Variants in PRELID2 observed in about 807,000 individuals in gnomAD.
The protein encoded by PRELID2 is PRELI domain-containing protein 2.
A neutral mutation model predicts 28.4 loss-of-function variants in PRELID2; 25 were observed. The ratio of observed to expected loss-of-function variants is 0.88; its 90% CI spans 0.64 to 1.23. The LOEUF (loss-of-function observed/expected upper bound fraction) is 1.23, where lower values mean the gene tolerates loss of function less well. Among genes scored for constraint, PRELID2 ranks in the 50% most tolerant of loss-of-function variants. The pLI is 0.00. For missense variants in PRELID2, 201 were observed against 214.4 expected, an observed-to-expected ratio of 0.94 and a Z score of 0.39; for synonymous variants, 76 against 71.6, an observed-to-expected ratio of 1.06 and a Z score of -0.31.
intron 1 of PRELID2, among the ~76,000 whole-genome samples, chr5:145,584,508 T>C (rs561384526): frequency 6.6e-5 from 10 of 151,982 alleles, no homozygotes; most frequent in Admixed American, 5.9e-4. Flanking sequence ...ACCTACAGCA[T>C]AGGAGAAAAT....
downstream of PRELID2, among the ~76,000 whole-genome samples, chr5:145,469,424 T>C (rs1752032145): frequency 6.6e-6 from 1 of 152,092 alleles, no homozygotes; most frequent in Non-Finnish European, 1.5e-5. Flanking sequence ...GATCTTCTGA[T>C]TGAGGCATGT....
At chr5:145,790,907 A>ATATT (rs1172415673) in intron 5 of PRELID2, among the ~76,000 whole-genome samples, 1 of 149,090 alleles carries the variant, frequency 6.7e-6, no homozygotes, top group Non-Finnish European at 1.5e-5. Context: ...ATATATATAT[A>ATATT]TATACCAAAA....
chr5:145,787,488 A>T (rs1372130038), intron 5 of PRELID2, among the ~76,000 whole-genome samples: 2 of 152,122 alleles, frequency 1.3e-5, no homozygotes, highest in Non-Finnish European at 2.9e-5. Flanking sequence ...CCTAAATAGT[A>T]TGCCCAAAAT....
chr5:145,623,108 G>C (rs570761843), intron 1 of PRELID2, among the ~76,000 whole-genome samples: 10 of 151,976 alleles, frequency 6.6e-5, no homozygotes, highest in African/African-American at 1.9e-4. Context: ...ATAGTTTGGT[G>C]GTCAGGAAGA....
chr5:145,737,605 T>G (rs1756533392), intron 1 of PRELID2, among the ~76,000 whole-genome samples: 1 of 152,060 alleles, frequency 6.6e-6, no homozygotes, highest in African/African-American at 2.4e-5. Context: ...ACAGATAATT[T>G]TTTAAAAAGG....
At chr5:145,637,509 C>T (rs554452303) in intron 1 of PRELID2, among the ~76,000 whole-genome samples, 4 of 148,960 alleles carry the variant, frequency 2.7e-5, no homozygotes, top group African/African-American at 9.9e-5. Context: ...GACTTCTCTG[C>T]CAAAAAAAAA....
At chr5:145,663,178 A>G (rs772133937) in intron 1 of PRELID2, among the ~76,000 whole-genome samples, 10 of 152,108 alleles carry the variant, frequency 6.6e-5, no homozygotes, top group Non-Finnish European at 1.2e-4. Flanking sequence ...CCTTCTAGCT[A>G]GAGAACCAAG....
At chr5:145,297,980 A>G in the PRELID2 span, among the ~76,000 whole-genome samples, 2 of 152,198 alleles carry the variant, frequency 1.3e-5, no homozygotes, top group Non-Finnish European at 2.9e-5. Context: ...GGATACAAAC[A>G]AATGGAAGAA....
At chr5:145,766,589 G>A (rs187994566) in intron 5 of PRELID2, among the ~76,000 whole-genome samples, 34 of 152,322 alleles carry the variant, frequency 2.2e-4, no homozygotes, top group African/African-American at 6.7e-4. Context: ...AAATACTACC[G>A]TTATCTTGGA....
chr5:145,826,297 T>G, intron 1 of PRELID2: 1 of 432,674 alleles, frequency 2.3e-6, no homozygotes, highest in Non-Finnish European at 3.1e-6. Context: ...AATCCCCATT[T>G]CATACTAGAG....
chr5:145,441,525 GTCA>G, the PRELID2 span, among the ~76,000 whole-genome samples: 1 of 151,912 alleles, frequency 6.6e-6, no homozygotes, highest in Non-Finnish European at 1.5e-5. Flanking sequence ...CATCACCATT[GTCA>G]TCATTGAAAT....
At chr5:145,512,546 G>A (rs747343825) in intron 1 of PRELID2, among the ~76,000 whole-genome samples, 13 of 152,166 alleles carry the variant, frequency 8.5e-5, no homozygotes, top group African/African-American at 3.1e-4. Flanking sequence ...GCACCTGGGG[G>A]AGGAGGTGCA....
the PRELID2 span, among the ~76,000 whole-genome samples, chr5:145,398,969 T>C: frequency 3.3e-5 from 5 of 152,166 alleles, no homozygotes; most frequent in East Asian, 9.7e-4. Flanking sequence ...AATCTTTGAG[T>C]GAAGAAAAAA....
At chr5:145,627,971 T>C (rs72811542) in intron 1 of PRELID2, among the ~76,000 whole-genome samples, 11,910 of 152,310 alleles carry the variant, frequency 0.078, 651 homozygotes, top group Non-Finnish European at 0.11. Flanking sequence ...ATGTTTATTA[T>C]TTATCCAATT....
At chr5:145,426,574 A>G in the PRELID2 span, among the ~76,000 whole-genome samples, 2 of 152,238 alleles carry the variant, frequency 1.3e-5, no homozygotes, top group African/African-American at 4.8e-5. Flanking sequence ...GTCAACATTT[A>G]TGGTACATTG....
At chr5:145,548,890 T>TAATCCCAATCA (rs1170758510) in intron 1 of PRELID2, among the ~76,000 whole-genome samples, 1 of 152,202 alleles carries the variant, frequency 6.6e-6, no homozygotes, top group Admixed American at 6.5e-5. Context: ...AGACCCCTGA[T>TAATCCCAATCA]AATCCCAATC....
the PRELID2 span, among the ~76,000 whole-genome samples, chr5:145,379,167 G>T: frequency 6.6e-6 from 1 of 152,086 alleles, no homozygotes; most frequent in Admixed American, 6.6e-5. Flanking sequence ...TTGTTCTCTG[G>T]TTTCTTAATG....
At chr5:145,777,425 A>T (rs1390099285) in intron 5 of PRELID2, among the ~76,000 whole-genome samples, 1 of 152,222 alleles carries the variant, frequency 6.6e-6, no homozygotes, top group African/African-American at 2.4e-5. Context: ...TTATGTGCTC[A>T]GTCTGAGTCC....
At chr5:145,643,438 T>C (rs1411268211) in intron 1 of PRELID2, among the ~76,000 whole-genome samples, 3 of 152,224 alleles carry the variant, frequency 2.0e-5, no homozygotes. Flanking sequence ...TTTCTAAATA[T>C]AGAATCATGT....
Sources: allele counts gnomAD v4.1 joint callset (sites outside exome capture counted in the v4.1 genomes callset), GRCh38; gene constraint gnomAD v4.1.1; transcripts MANE v1.5; gene names NCBI Gene and HGNC (gene_info 2026-07-23, HGNC 2026-07-21).